Variants in GRIP1 observed in about 807,000 individuals in gnomAD.
GRIP1 encodes the protein glutamate receptor-interacting protein 1.
GRIP1 carries 45 observed loss-of-function variants against 129.9 expected under a neutral mutation model. That is an observed-to-expected ratio of 0.35 (90% CI 0.27 to 0.44). The LOEUF (loss-of-function observed/expected upper bound fraction) is 0.44. GRIP1 is among the 20% of genes least tolerant of loss of function. The pLI is 1.00. For synonymous variants in GRIP1, 530 were observed against 520.8 expected, an observed-to-expected ratio of 1.02 and a Z score of -0.24; for missense variants, 1,196 against 1,396.8, an observed-to-expected ratio of 0.86 and a Z score of 2.29.
intron 1 of GRIP1, among the ~76,000 whole-genome samples, chr12:67,060,160 T>G (rs2043507793): frequency 6.6e-6 from 1 of 152,236 alleles, no homozygotes; most frequent in African/African-American, 2.4e-5. Context: ...AAGATCAAAA[T>G]GGTTTATAAT....
At chr12:66,809,574 T>C (rs2039063309) in intron 1 of GRIP1, among the ~76,000 whole-genome samples, 1 of 152,180 alleles carries the variant, frequency 6.6e-6, no homozygotes, top group African/African-American at 2.4e-5. Flanking sequence ...CCTACTTTAT[T>C]GTAGCAAATG....
chr12:66,817,237 C>A (rs1226813635), intron 1 of GRIP1, among the ~76,000 whole-genome samples: 5 of 143,898 alleles, frequency 3.5e-5, no homozygotes, highest in East Asian at 1.9e-4. Flanking sequence ...CACACACACA[C>A]ACACACATAT....
chr12:66,692,600 T>A (rs984299463), intron 1 of GRIP1, among the ~76,000 whole-genome samples: 7 of 152,054 alleles, frequency 4.6e-5, no homozygotes, highest in African/African-American at 1.7e-4. Flanking sequence ...AATGAGATGA[T>A]GAGATGGATT....
At chr12:66,824,940 T>A (rs1295429485) in intron 1 of GRIP1, among the ~76,000 whole-genome samples, 1 of 152,138 alleles carries the variant, frequency 6.6e-6, no homozygotes, top group Non-Finnish European at 1.5e-5. Flanking sequence ...GGTAAAAGTT[T>A]CCAAGAGCTT....
chr12:66,951,734 G>A (rs772192610), intron 1 of GRIP1, among the ~76,000 whole-genome samples: 7 of 152,148 alleles, frequency 4.6e-5, no homozygotes, highest in South Asian at 2.1e-4. Context: ...ATCTGGAGAG[G>A]TACATAAGTG....
upstream of GRIP1, among the ~76,000 whole-genome samples, chr12:66,683,369 GA>G (rs1283124787): frequency 6.6e-6 from 1 of 151,956 alleles, no homozygotes; most frequent in Non-Finnish European, 1.5e-5. Context: ...ACACTGAACA[GA>G]ACTCGCCAGT....
chr12:66,586,788 C>T (rs1427055794), intron 2 of GRIP1, among the ~76,000 whole-genome samples: 1 of 152,212 alleles, frequency 6.6e-6, no homozygotes, highest in African/African-American at 2.4e-5. Flanking sequence ...ACTTCCACCT[C>T]TACCTCCTAG....
intron 1 of GRIP1, among the ~76,000 whole-genome samples, chr12:66,823,323 G>A (rs1184348661): frequency 6.6e-6 from 1 of 152,080 alleles, no homozygotes; most frequent in African/African-American, 2.4e-5. Context: ...GTACATGTTG[G>A]TAATGGTTCT....
At chr12:66,736,678 A>G (rs564002584) in intron 1 of GRIP1, among the ~76,000 whole-genome samples, 1 of 152,056 alleles carries the variant, frequency 6.6e-6, no homozygotes, top group South Asian at 2.1e-4. Flanking sequence ...AACCCATGCA[A>G]TTCAAGGGTC....
chr12:66,380,207 C>T (rs1412169454), intron 19 of GRIP1, among the ~76,000 whole-genome samples: 1 of 152,052 alleles, frequency 6.6e-6, no homozygotes, highest in East Asian at 1.9e-4. Flanking sequence ...ATCGTGCCGG[C>T]CCCATTTCAA....
At chr12:66,664,105 A>AT (rs199723782) in intron 1 of GRIP1, among the ~76,000 whole-genome samples, 4,265 of 146,358 alleles carry the variant, frequency 0.029, 97 homozygotes, top group South Asian at 0.08. Context: ...GGGAGATTAC[A>AT]TTTTTTTTTT....
At chr12:66,409,713 TCA>T (rs999755618) in intron 15 of GRIP1, among the ~76,000 whole-genome samples, 10 of 152,158 alleles carry the variant, frequency 6.6e-5, no homozygotes, top group East Asian at 3.9e-4. Flanking sequence ...GAAAGACCAA[TCA>T]CAGAGAAATA....
intron 1 of GRIP1, among the ~76,000 whole-genome samples, chr12:66,824,580 T>C (rs1182446470): frequency 1.3e-5 from 2 of 152,140 alleles, no homozygotes; most frequent in Non-Finnish European, 2.9e-5. Flanking sequence ...TGGTTGTCCA[T>C]TTCTCCTTCA....
intron 11 of GRIP1, 100 bp downstream of exon 11, chr12:66,455,309 G>A: frequency 9.3e-7 from 1 of 1,076,894 alleles, no homozygotes; most frequent in South Asian, 1.3e-5. Flanking sequence ...GATCACTTAA[G>A]CAACTGTGAA....
At chr12:66,882,694 C>G (rs1411508890) in intron 1 of GRIP1, among the ~76,000 whole-genome samples, 1 of 152,178 alleles carries the variant, frequency 6.6e-6, no homozygotes, top group Non-Finnish European at 1.5e-5. Context: ...CAAGTCCAAA[C>G]CAAATATTAT....
chr12:66,961,741 A>C lies in GRIP1; in HGVS notation c.58+107309T>G, dbSNP rs139672470. 5.0e-3 allele frequency among the ~76,000 whole-genome samples: 759 copies of C among 152,222 alleles called. 8 individuals carry two copies. Among genetic ancestry groups the C allele is most frequent in the African/African-American group, 0.017 (720 of 41,538 alleles). ...GCATTTGTTTAGTGTCTGTGTCCCCACTAAATTCTAAGCTCCATGAGGGCA... is the reference window on the plus strand; with the variant it reads ...GCATTTGTTTAGTGTCTGTGTCCCCCCTAAATTCTAAGCTCCATGAGGGCA... On this transcript the variant is annotated intron_variant, in intron 1 of 1. Coordinates refer to the GRIP1 transcript ENST00000643019.
At chr12:66,682,336 C>T (rs1455861063), upstream of GRIP1, among the ~76,000 whole-genome samples, 2 of 152,142 alleles carry the variant, frequency 1.3e-5, no homozygotes, top group East Asian at 1.9e-4. Context: ...AAGACCATTA[C>T]GTATCAAGTG....
intron 1 of GRIP1, among the ~76,000 whole-genome samples, chr12:66,700,559 C>G (rs554024325): frequency 6.6e-6 from 1 of 152,004 alleles, no homozygotes; most frequent in Admixed American, 6.5e-5. Context: ...GTGATCCTCC[C>G]GCCTCAGGCT....
In GRIP1 at chr12:66,377,001, CATA is replaced by C. The variant is rs770675672; in HGVS notation, c.2778+13_2778+15del. ...GCAGCTTCACAAGCAAAAATATAAACATAAAGGGTAGCTACCAAGAGAGTCATG... is the reference window on the plus strand; with the variant it reads ...GCAGCTTCACAAGCAAAAATATAAACAAGGGTAGCTACCAAGAGAGTCATG... On this transcript the variant is annotated intron_variant, in intron 22 of 24. Transcript: ENST00000359742. 1.4e-5 allele frequency: 22 copies of C among 1,593,924 alleles called. No homozygotes were observed. In the Admixed American group the frequency reaches 3.7e-4, roughly 27 times the overall value.
Sources: gnomAD v4.1 joint callset for allele counts (sites outside exome capture counted in the v4.1 genomes callset) on GRCh38, gnomAD v4.1.1 for gene constraint, MANE v1.5 for transcripts, NCBI Gene and HGNC (gene_info 2026-07-23, HGNC 2026-07-21) for gene names.